Variants in BEST1 observed in about 807,000 individuals in gnomAD.
BEST1 encodes bestrophin-1.
Under a neutral mutation model 63.3 loss-of-function variants are expected in BEST1, and 58 were observed. The observed-to-expected ratio is 0.92, with a 90% CI of 0.74 to 1.14. The LOEUF (loss-of-function observed/expected upper bound fraction) is 1.14, where lower values mean the gene tolerates loss of function less well. Ranked by LOEUF, BEST1 falls within the 50% of genes most tolerant of loss-of-function variation. BEST1 has a pLI of 0.00. For missense variants in BEST1, 671 were observed against 740.1 expected (o/e 0.91, Z 1.08); for synonymous variants, 283 against 291.6 (o/e 0.97, Z 0.30).
chr11:61,951,544 G>A (rs745649478), intron 1 of BEST1, among the ~76,000 whole-genome samples: 4 of 152,158 alleles, frequency 2.6e-5, no homozygotes, highest in Admixed American at 1.3e-4. Flanking sequence ...CAATGCACAC[G>A]CCTATCTACG....
Position 61,960,112 on chromosome 11 carries a change from A to G in BEST1, c.1100+69A>G, listed in dbSNP as rs1057089225. 62 of 1,561,606 alleles carry G rather than the reference A, an allele frequency of 4.0e-5. No homozygotes were observed. In the African/African-American group the frequency reaches 7.9e-4, roughly 20 times the overall value. On this transcript the variant is annotated intron_variant, in intron 9 of 10. Coordinates refer to ENST00000378043, the MANE Select transcript of BEST1 (RefSeq NM_004183.4). ...GCAGGGGTCTGCCTAGGAACTTAGA[A>G]TAGCACTAGTTAATGCATACAGGTT...
rs771979550 is a variant in BEST1 at position 61,962,554 on chromosome 11, C to G, written c.1400C>G (p.Ala467Gly). The change falls in exon 10 of 11, where the codon GCC (alanine) becomes GGC (glycine). Residue 467 changes from alanine to glycine, a missense_variant. Coordinates refer to ENST00000378043, the MANE Select transcript of BEST1 (RefSeq NM_004183.4). ...TATCAGAGGCCAGGCTACTACAGTGCCCCACAGACGCCCCTCAGCCCCACT... is the reference window on the plus strand; with the variant it reads ...TATCAGAGGCCAGGCTACTACAGTGGCCCACAGACGCCCCTCAGCCCCACT... Reference protein sequence around the residue: ...PLYQRPGYYSAPQTPLSPTPM... With the variant: ...PLYQRPGYYSGPQTPLSPTPM... The G allele has an allele frequency of 2.5e-6, 4 of 1,614,048 alleles. No homozygotes were observed. Among genetic ancestry groups the G allele is most frequent in the Non-Finnish European group, 2.5e-6 (3 of 1,180,020 alleles).
In BEST1 at chr11:61,962,503, T is replaced by C. The variant is rs1942173575; in HGVS notation, c.1349T>C (p.Val450Ala). 1 of 1,614,210 alleles carries C rather than the reference T, an allele frequency of 6.2e-7. No individual in the cohort carries two copies. The highest frequency in any genetic ancestry group is 8.5e-7 in the Non-Finnish European group (1 of 1,180,034). Reference sequence around the variant, plus strand: ...AACAAGGCCTGGAAGCTTAAGGCTGTGGACGCCTTCAAGTCTGCCCCACTG... The same window carrying C: ...AACAAGGCCTGGAAGCTTAAGGCTGCGGACGCCTTCAAGTCTGCCCCACTG... ...EDNKAWKLKA[V>A]DAFKSAPLYQ... The change falls in exon 10 of 11, where the codon GTG becomes GCG. Residue 450 changes from valine (V) to alanine (A), a missense_variant. Val to Ala is a moderately conservative substitution (Grantham distance 64). Coordinates refer to ENST00000378043, the MANE Select transcript of BEST1 (RefSeq NM_004183.4).
intron 5 of BEST1, 136 bp from the exon 6 acceptor site, chr11:61,957,251 T>A (rs1941472319): frequency 1.0e-6 from 1 of 968,132 alleles, no homozygotes; most frequent in African/African-American, 1.6e-5. Context: ...CAAAGAGGTT[T>A]AGTGAGCTTC....
Position 61,964,286 on chromosome 11 carries a change from T to A in BEST1, c.*164T>A. The A allele has an allele frequency of 7.3e-7, 1 of 1,375,184 alleles. No homozygotes were observed. Among genetic ancestry groups the A allele is most frequent in the Non-Finnish European group, 9.8e-7 (1 of 1,016,484 alleles). The allele number at this position is 1,375,184 out of a possible 1,614,324, so 85.2% of individuals were successfully genotyped here. ...TAATAGATAAAAATCCCAGACTACTTCAGCCTTTAATGCCTTTTATTCATA... is the reference window on the plus strand; with the variant it reads ...TAATAGATAAAAATCCCAGACTACTACAGCCTTTAATGCCTTTTATTCATA... On this transcript the variant is annotated 3_prime_UTR_variant, in exon 11 of 11. Coordinates refer to ENST00000378043, the MANE Select transcript of BEST1 (RefSeq NM_004183.4).
At chr11:61,963,778 T>C in intron 10 of BEST1, 1 of 1,216,616 alleles carries the variant, frequency 8.2e-7, no homozygotes, top group South Asian at 1.7e-5. Flanking sequence ...TGGAGGCAAG[T>C]GGATCACAGG....
At position 61,955,207 on chromosome 11, in the gene BEST1, T is replaced by C. The variant is rs1346968896; in HGVS notation, c.247+6T>C. 4 of 1,613,960 alleles carry C rather than the reference T, an allele frequency of 2.5e-6. No individual in the cohort carries two copies. Among genetic ancestry groups the C allele is most frequent in the Non-Finnish European group, 3.4e-6 (4 of 1,179,978 alleles). ...CCCCATTTCCTTCGTGCTGGGTGAG[T>C]TCCCCCTTCTGGCTGTTCCGGGTCC... is the stretch of plus-strand genomic sequence containing the variant. On this transcript the variant is annotated splice_donor_region_variant and intron_variant, in intron 3 of 10. Transcript: ENST00000378043.
chr11:61,952,459 C>CTT (rs34404535), intron 2 of BEST1, among the ~76,000 whole-genome samples: 38 of 78,156 alleles, frequency 4.9e-4, no homozygotes, highest in African/African-American at 6.0e-4. Flanking sequence ...CCACATGGTA[C>CTT]TTTTTTTTTT....
chr11:61,963,501 T>C, intron 10 of BEST1: 2 of 1,054,056 alleles, frequency 1.9e-6, no homozygotes, highest in Non-Finnish European at 2.3e-6. Context: ...AATCAGATAT[T>C]TCCCTTTATT....
intron 10 of BEST1, 163 bp from the exon 11 acceptor site, chr11:61,963,941 T>C: frequency 6.9e-7 from 1 of 1,454,976 alleles, no homozygotes; most frequent in Non-Finnish European, 9.1e-7. Context: ...GTGGTTGCAG[T>C]GAGATTGAGC....
chr11:61,962,151 G>C (rs887495224), intron 9 of BEST1, 104 bp from the exon 10 acceptor site: 1 of 1,280,546 alleles, frequency 7.8e-7, no homozygotes, highest in East Asian at 2.4e-5. Flanking sequence ...GTGTGGCCTT[G>C]GCTTGGGCCA....
chr11:61,952,068 G>T (rs1940735816), intron 2 of BEST1, 110 bp downstream of exon 2: 2 of 1,351,220 alleles, frequency 1.5e-6, no homozygotes, highest in Non-Finnish European at 1.0e-6. Flanking sequence ...TTCACTACAA[G>T]ACTAAGCTGA....
At chr11:61,955,080 C>A in intron 2 of BEST1, 27 bp from the exon 3 acceptor site, 1 of 1,612,848 alleles carries the variant, frequency 6.2e-7, no homozygotes, top group Non-Finnish European at 8.5e-7. Flanking sequence ...TGCGTCCACA[C>A]AATTCCACCC....
At chr11:61,951,070 C>T (rs1284471474) in intron 1 of BEST1, among the ~76,000 whole-genome samples, 1 of 152,186 alleles carries the variant, frequency 6.6e-6, no homozygotes, top group Non-Finnish European at 1.5e-5. Context: ...CCCTTCCATA[C>T]TTCTCACACT....
intron 1 of BEST1, 57 bp from the exon 2 acceptor site, chr11:61,951,714 G>A: frequency 6.4e-7 from 1 of 1,552,314 alleles, no homozygotes; most frequent in Non-Finnish European, 8.8e-7. Context: ...GTCCTGACAG[G>A]CTCTGACCAG....
At chr11:61,963,601 T>C in intron 10 of BEST1, 1 of 1,025,522 alleles carries the variant, frequency 9.8e-7, no homozygotes, top group Non-Finnish European at 1.2e-6. Context: ...TTTTCTGGAT[T>C]CTCAAGCAGT....
chr11:61,954,843 T>C, intron 2 of BEST1: 1 of 985,440 alleles, frequency 1.0e-6, no homozygotes, highest in Non-Finnish European at 1.2e-6. Flanking sequence ...AGCAGGACCT[T>C]CCTTCCTACA....
intron 9 of BEST1, 167 bp downstream of exon 9, chr11:61,960,210 G>C (rs1459817085): frequency 9.9e-7 from 1 of 1,013,532 alleles, no homozygotes; most frequent in Non-Finnish European, 1.4e-6. Context: ...CAATAATTCT[G>C]GTTTGTTATC....
In BEST1 at chr11:61,963,437, G is replaced by A. The variant is rs370826989; in HGVS notation, c.1739+544G>A. On this transcript the variant is annotated intron_variant, in intron 10 of 10. Coordinates refer to ENST00000378043, the MANE Select transcript of BEST1 (RefSeq NM_004183.4). ...CTTAGGTCATTTTCTCACTGCCTGG[G>A]AACCTCACCAAAATACTTCTTGCTT... The A allele has an allele frequency of 7.8e-6, 9 of 1,158,032 alleles. No individual in the cohort carries two copies. In the East Asian group the frequency reaches 1.7e-4, roughly 21 times the overall value. The allele number at this position is 1,158,032 out of a possible 1,614,324, so 71.7% of individuals were successfully genotyped here.
Sources: allele counts gnomAD v4.1 joint callset (sites outside exome capture counted in the v4.1 genomes callset), GRCh38; gene constraint gnomAD v4.1.1; transcripts MANE v1.5; gene names NCBI Gene and HGNC (gene_info 2026-07-23, HGNC 2026-07-21).